Variants in WFDC2 observed in about 807,000 individuals in gnomAD.
WFDC2 encodes the protein WAP four-disulfide core domain protein 2.
Under a neutral mutation model 12.5 loss-of-function variants are expected in WFDC2, and 8 were observed. The ratio of observed to expected loss-of-function variants is 0.64; its 90% CI spans 0.37 to 1.15. The LOEUF is 1.15. Ranked by LOEUF, WFDC2 falls within the 50% of genes most tolerant of loss-of-function variation. The pLI is 0.01. For missense variants in WFDC2, 166 were observed against 159.9 expected (o/e 1.04, Z -0.21); for synonymous variants, 74 against 67.2 (o/e 1.10, Z -0.49).
Position 45,480,177 on chromosome 20 carries a change from G to C in WFDC2, c.*1+83G>C. 1.9e-6 allele frequency: 3 copies of C among 1,577,354 alleles called. No homozygotes were observed. In the South Asian group the frequency reaches 3.5e-5, roughly 19 times the overall value. On this transcript the variant is annotated intron_variant, in intron 3 of 3. Coordinates refer to ENST00000372676, the MANE Select transcript of WFDC2 (RefSeq NM_006103.4). ...AAAACGTCACCCAGGCGGAGGTGAAGGGAGGTTAGTTGCAGGGACAGTTGG... is the reference window on the plus strand; with the variant it reads ...AAAACGTCACCCAGGCGGAGGTGAACGGAGGTTAGTTGCAGGGACAGTTGG...
rs62207884 is a variant in WFDC2, at chr20:45,476,971, A to G, written c.224-2971A>G. Among the ~76,000 whole-genome samples, 33 of 151,636 alleles carry G rather than the reference A, an allele frequency of 2.2e-4. No homozygotes were observed. The East Asian group carries it at 2.5e-3, about 12-fold the overall frequency. On this transcript the variant is annotated intron_variant, in intron 2 of 3. Transcript: ENST00000372676. ...CTTCTTCTGCTTGATCAATTCGGCT[A>G]TTGATACTTGTATAGGCTTCATGAC...
At position 45,480,049 on chromosome 20, in the gene WFDC2, C is replaced by T. The variant is rs139302273; in HGVS notation, c.331C>T (p.Arg111Cys). The change falls in exon 3 of 4, where the codon CGC becomes TGC. Residue 111 changes from arginine (R) to cysteine (C), a missense_variant. Transcript: ENST00000372676. ...SQCPGQMKCC[R>C]NGCGKVSCVT... ...GTGTCCTGGCCAGATGAAATGCTGC[C>T]GCAATGGCTGTGGGAAGGTGTCCTG... 59 of 1,614,192 alleles carry T rather than the reference C, an allele frequency of 3.7e-5. No homozygotes were observed. The African/African-American group carries it at 5.1e-4, about 14-fold the overall frequency.
At chr20:45,473,737 G>A (rs1026207344) in intron 2 of WFDC2, among the ~76,000 whole-genome samples, 8 of 151,654 alleles carry the variant, frequency 5.3e-5, no homozygotes, top group Non-Finnish European at 8.8e-5. Flanking sequence ...GTGATAGCTT[G>A]ATGGGGATAG....
chr20:45,472,847 G>A (rs1466337486), intron 2 of WFDC2, among the ~76,000 whole-genome samples: 1 of 152,176 alleles, frequency 6.6e-6, no homozygotes, highest in Admixed American at 6.5e-5. Flanking sequence ...ATCCTCTCCA[G>A]CATCTGTTGT....
rs111471479 is a variant in WFDC2, at chr20:45,477,754, A to G, written c.224-2188A>G. 4.0e-3 allele frequency among the ~76,000 whole-genome samples: 610 copies of G among 152,300 alleles called. 7 individuals are homozygous for G. Among genetic ancestry groups the G allele is most frequent in the African/African-American group, 0.014 (585 of 41,580 alleles). On this transcript the variant is annotated intron_variant, in intron 2 of 3. Transcript: ENST00000372676. ...GAACCGGCAGGCAGGCTGAAGCCAC[A>G]TCCACAGCTGCCCCTTCCCCCAGGT...
chr20:45,476,074 A>C (rs1991229156), intron 2 of WFDC2, among the ~76,000 whole-genome samples: 2 of 152,150 alleles, frequency 1.3e-5, no homozygotes, highest in East Asian at 1.9e-4. Flanking sequence ...GTGTCTTTGC[A>C]CTTGAGATGG....
At position 45,470,613 on chromosome 20, in the gene WFDC2, C is replaced by T. The variant is rs1991157991; in HGVS notation, c.223+81C>T. 2 of 1,468,360 alleles carry T rather than the reference C, an allele frequency of 1.4e-6. No homozygotes were observed. Among genetic ancestry groups the T allele is most frequent in the African/African-American group, 1.4e-5 (1 of 70,750 alleles). 91.0% of individuals were successfully genotyped at this position (1,468,360 alleles called of 1,614,324 possible). A position where few individuals can be genotyped will look rare whatever the true frequency, so the allele number is the denominator to read the frequency against. On this transcript the variant is annotated intron_variant, in intron 2 of 3. Coordinates refer to ENST00000372676, the MANE Select transcript of WFDC2 (RefSeq NM_006103.4). The surrounding 1 kb of genome is among the most constrained non-coding windows in gnomAD (Gnocchi z 5.4). The stretch of plus-strand genomic sequence containing the variant: ...GGTGGGAGGGCCCGGGTTCCGGGAA[C>T]AGGGGCGCCCCCGGACCCGGGGACC...
rs149482785 is a variant in WFDC2, at chr20:45,476,742, C to T, written c.224-3200C>T. The stretch of plus-strand genomic sequence containing the variant: ...TTTCTTGCTAGGTTGGGGAAGTTCT[C>T]CTGTATAATATCCTGAACAGTGTTT... On this transcript the variant is annotated intron_variant, in intron 2 of 3. Transcript: ENST00000372676. Among the ~76,000 whole-genome samples, 303 of 152,284 alleles carry T rather than the reference C, an allele frequency of 2.0e-3. 2 individuals carry two copies. The highest frequency in any genetic ancestry group is 3.4e-3 in the Middle Eastern group (1 of 294).
In WFDC2 at chr20:45,470,392, C is replaced by T. The variant is rs772608685; in HGVS notation, c.83C>T (p.Thr28Ile). Residue 28 changes from threonine (T) to isoleucine (I), a missense_variant, in exon 2 of 4, where the codon ACA becomes ATA. By Grantham distance (89) the Thr-to-Ile change is moderately conservative. Transcript: ENST00000372676. This position sits in a 1 kb window ranked among gnomAD's most constrained non-coding sequence, Gnocchi z 5.4. The stretch of plus-strand genomic sequence containing the variant: ...TGTCCCGGGCCTCCCCTCCCAGGCA[C>T]AGGAGCAGAGAAGACTGGCGTGTGC... ...LLFGFTLVSGTGAEKTGVCPE... is the reference protein window; with the variant it reads ...LLFGFTLVSGIGAEKTGVCPE... 1.3e-6 allele frequency: 2 copies of T among 1,585,296 alleles called. No homozygotes were observed. Among genetic ancestry groups the T allele is most frequent in the Non-Finnish European group, 1.7e-6 (2 of 1,164,952 alleles).
At chr20:45,471,039 C>A (rs1991165599) in intron 2 of WFDC2, 1 of 427,402 alleles carries the variant, frequency 2.3e-6, no homozygotes, top group South Asian at 1.7e-5. Flanking sequence ...ATGCCCCGCT[C>A]ATCTTAAAGA....
At chr20:45,471,090 A>C (rs1568969433) in intron 2 of WFDC2, 1 of 469,016 alleles carries the variant, frequency 2.1e-6, no homozygotes. Context: ...GTTCTTGCCC[A>C]AGGTCACACC....
At chr20:45,474,804 G>C (rs1371075429) in intron 2 of WFDC2, among the ~76,000 whole-genome samples, 1 of 152,108 alleles carries the variant, frequency 6.6e-6, no homozygotes, top group Non-Finnish European at 1.5e-5. Context: ...AATCTGTCTG[G>C]TCCCAGACTT....
rs185405907 is a variant in WFDC2 at position 45,470,963 on chromosome 20, C to T, written c.223+431C>T. On this transcript the variant is annotated intron_variant, in intron 2 of 3. Transcript: ENST00000372676. This position sits in a 1 kb window ranked among gnomAD's most constrained non-coding sequence, Gnocchi z 5.4. ...AGCCCTGGGGAAAGACTGGGAGAGC[C>T]TGGCCTGGCAAGATTTTCCCCAATT... is the stretch of plus-strand genomic sequence containing the variant. 6.6e-6 allele frequency among the ~76,000 whole-genome samples: 1 copy of T among 152,334 alleles called. No homozygotes were observed. Among genetic ancestry groups the T allele is most frequent in the East Asian group, 1.9e-4 (1 of 5,162 alleles).
intron 2 of WFDC2, among the ~76,000 whole-genome samples, chr20:45,475,904 G>T (rs1260636785): frequency 1.3e-5 from 2 of 152,144 alleles, no homozygotes; most frequent in South Asian, 2.1e-4. Context: ...TCTTCTTGTT[G>T]CATTGATCCC....
At chr20:45,476,400 G>A (rs929669765) in intron 2 of WFDC2, among the ~76,000 whole-genome samples, 6 of 152,146 alleles carry the variant, frequency 3.9e-5, no homozygotes, top group African/African-American at 1.4e-4. Flanking sequence ...GCATTTGTTT[G>A]TCTATAAAGG....
intron 2 of WFDC2, among the ~76,000 whole-genome samples, chr20:45,476,521 G>A (rs959602137): frequency 2.0e-5 from 3 of 152,202 alleles, no homozygotes; most frequent in African/African-American, 7.2e-5. Flanking sequence ...TGGTTTGCAG[G>A]GTTTCTGCAG....
intron 3 of WFDC2, among the ~76,000 whole-genome samples, chr20:45,480,395 C>G (rs913702801): frequency 6.7e-6 from 1 of 149,444 alleles, no homozygotes; most frequent in Non-Finnish European, 1.5e-5. Flanking sequence ...CACCTGAGGT[C>G]GGGAGTTCAA....
rs760018642 is a variant in WFDC2 at position 45,469,874 on chromosome 20, G to A, written c.79+14G>A. On this transcript the variant is annotated intron_variant, in intron 1 of 3. Transcript: ENST00000372676. ...CCCTAGTCTCAGGTGAGTGGGGCGG[G>A]GAGAGGCCCGGCGCCTAGAGGGGCC... 142 of 1,595,460 alleles carry A rather than the reference G, an allele frequency of 8.9e-5. 1 individual carries two copies. The highest frequency in any genetic ancestry group is 1.2e-4 in the Non-Finnish European group (140 of 1,171,688).
intron 2 of WFDC2, chr20:45,479,652 C>T (rs753676610): frequency 6.2e-7 from 1 of 1,608,366 alleles, no homozygotes; most frequent in South Asian, 1.1e-5. Context: ...CACTGTTCCA[C>T]TGGCACCTAA....
Sources: allele counts gnomAD v4.1 joint callset (sites outside exome capture counted in the v4.1 genomes callset), GRCh38; gene constraint gnomAD v4.1.1; non-coding constraint Gnocchi (gnomAD v3.1); transcripts MANE v1.5; gene names NCBI Gene and HGNC (gene_info 2026-07-23, HGNC 2026-07-21).